PKP1: variants seen among roughly 807,000 people sequenced by gnomAD.
The protein encoded by PKP1 is plakophilin 1.
In PKP1, 27 loss-of-function variants were observed where a neutral mutation model predicts 76.4. The ratio of observed to expected loss-of-function variants is 0.35; its 90% confidence interval spans 0.26 to 0.49. The LOEUF (loss-of-function observed/expected upper bound fraction) is 0.49. Among genes scored for constraint, PKP1 ranks in the 20% least tolerant of loss-of-function variants. PKP1 has a pLI of 0.99. For synonymous variants in PKP1, 404 were observed against 384.2 expected (o/e 1.05, Z -0.60); for missense variants, 964 against 955.2 (o/e 1.01, Z -0.12).
At chr1:201,307,489 G>A (rs1656404950) in intron 2 of PKP1, among the ~76,000 whole-genome samples, 1 of 152,154 alleles carries the variant, frequency 6.6e-6, no homozygotes, top group Non-Finnish European at 1.5e-5. Flanking sequence ...ACCCCTTTGG[G>A]AAGATTCTCG....
Position 201,283,681 on chromosome 1 carries a change from G to T in PKP1, c.-22G>T. ...CTCTGCTCTCCTAGGCCCCGGCCGC[G>T]CGCCACCCGCCTCCCGCCACCATGA... On this transcript the variant is annotated 5_prime_UTR_variant, in exon 1 of 14. Transcript: ENST00000367324. 1.2e-6 allele frequency: 2 copies of T among 1,608,634 alleles called. No individual in the cohort carries two copies. Among genetic ancestry groups the T allele is most frequent in the South Asian group, 2.2e-5 (2 of 90,500 alleles).
At chr1:201,319,107 T>C (rs766245485) in intron 6 of PKP1, among the ~76,000 whole-genome samples, 49 of 91,178 alleles carry the variant, frequency 5.4e-4, no homozygotes, top group Non-Finnish European at 1.0e-3. Context: ...TGAAAAAAAA[T>C]GCATTTCTTG....
At position 201,324,960 on chromosome 1, in the gene PKP1, G is replaced by A; in HGVS notation, c.1854G>A (p.Glu618=). 6.2e-7 allele frequency: 1 copy of A among 1,613,710 alleles called. No individual in the cohort carries two copies. Among genetic ancestry groups the A allele is most frequent in the East Asian group, 2.2e-5 (1 of 44,888 alleles). Reference sequence around the variant, plus strand: ...TCCCAGGGAACCAGGTGTTCCCGGAGGTGACCAGGCTCCTCACCAGCCACA... The same window carrying A: ...TCCCAGGGAACCAGGTGTTCCCGGAAGTGACCAGGCTCCTCACCAGCCACA... ...HRVMGNQVFP[E]VTRLLTSHTG... Residue 618 remains glutamate (E), a synonymous_variant, in exon 11 of 14, where the codon GAG becomes GAA. Coordinates refer to ENST00000367324, the MANE Select transcript of PKP1 (RefSeq NM_001005337.3).
At chr1:201,299,290 C>A (rs1240669488) in intron 2 of PKP1, among the ~76,000 whole-genome samples, 1 of 152,172 alleles carries the variant, frequency 6.6e-6, no homozygotes, top group Non-Finnish European at 1.5e-5. Context: ...TCTAGCTGAA[C>A]CTCAGCTTGC....
At chr1:201,308,135 G>T (rs891778210) in intron 2 of PKP1, among the ~76,000 whole-genome samples, 1 of 152,240 alleles carries the variant, frequency 6.6e-6, no homozygotes, top group African/African-American at 2.4e-5. Flanking sequence ...CAGCTGCTTT[G>T]CTCAGGTCAA....
intron 1 of PKP1, among the ~76,000 whole-genome samples, chr1:201,285,878 G>T (rs1430542084): frequency 6.6e-6 from 1 of 152,206 alleles, no homozygotes; most frequent in African/African-American, 2.4e-5. Flanking sequence ...TTCACTGGGG[G>T]AGGGTTGATG....
At chr1:201,302,216 C>A (rs1368695712) in intron 2 of PKP1, among the ~76,000 whole-genome samples, 1 of 152,194 alleles carries the variant, frequency 6.6e-6, no homozygotes, top group Non-Finnish European at 1.5e-5. Flanking sequence ...GTGGACCAAG[C>A]TTTGTTATTC....
chr1:201,288,967 G>T (rs1046317722), intron 1 of PKP1, among the ~76,000 whole-genome samples: 27 of 152,184 alleles, frequency 1.8e-4, no homozygotes, highest in Admixed American at 1.4e-3. Flanking sequence ...TGTTCAGTAC[G>T]TACACCCAGG....
At chr1:201,283,975 G>C in intron 1 of PKP1, 71 bp downstream of exon 1, 1 of 1,379,074 alleles carries the variant, frequency 7.3e-7, no homozygotes, top group African/African-American at 1.4e-5. Context: ...CGGGGACCAA[G>C]AGACGCACGC....
chr1:201,285,733 T>C (rs1655713825), intron 1 of PKP1, among the ~76,000 whole-genome samples: 1 of 152,238 alleles, frequency 6.6e-6, no homozygotes, highest in Non-Finnish European at 1.5e-5. Flanking sequence ...TTTTTCCTCC[T>C]ACCTATCGGG....
intron 1 of PKP1, among the ~76,000 whole-genome samples, chr1:201,285,010 A>G (rs1655686164): frequency 6.6e-6 from 1 of 152,160 alleles, no homozygotes; most frequent in South Asian, 2.1e-4. Flanking sequence ...GCCTGGTAAG[A>G]ATTACACACA....
At chr1:201,326,752 C>T (rs1657138445) in intron 12 of PKP1, among the ~76,000 whole-genome samples, 1 of 152,190 alleles carries the variant, frequency 6.6e-6, no homozygotes, top group African/African-American at 2.4e-5. Context: ...GAGCTTTGTT[C>T]AGGCAGGCGA....
chr1:201,293,197 T>C (rs1655971852), intron 1 of PKP1, among the ~76,000 whole-genome samples: 1 of 152,198 alleles, frequency 6.6e-6, no homozygotes, highest in Non-Finnish European at 1.5e-5. Context: ...GTGTCCCTGC[T>C]GGCCAGTGAA....
Position 201,324,496 on chromosome 1 carries a change from G to A in PKP1, c.1749G>A (p.Leu583=), listed in dbSNP as rs1162294706. 2 of 1,614,024 alleles carry A rather than the reference G, an allele frequency of 1.2e-6. No individual in the cohort carries two copies. The highest frequency in any genetic ancestry group is 1.6e-4 in the Middle Eastern group (1 of 6,084). ...EKGLPQIARL[L]QSGNSDVVRS... is the part of the protein sequence containing the mutation. Reference sequence around the variant, plus strand: ...GCCTGCCACAAATTGCCCGCCTCCTGCAATCTGGCAACTCTGATGTGGTGC... The same window carrying A: ...GCCTGCCACAAATTGCCCGCCTCCTACAATCTGGCAACTCTGATGTGGTGC... The change falls in exon 10 of 14, where the codon CTG becomes CTA. Residue 583 remains leucine (L), a synonymous_variant. Coordinates refer to ENST00000367324, the MANE Select transcript of PKP1 (RefSeq NM_001005337.3).
At chr1:201,325,665 G>A in intron 11 of PKP1, 89 bp from the exon 12 acceptor site, 1 of 984,344 alleles carries the variant, frequency 1.0e-6, no homozygotes, top group East Asian at 2.4e-5. Flanking sequence ...CTGTGTCCAG[G>A]CCCTGGCAGT....
intron 8 of PKP1, among the ~76,000 whole-genome samples, chr1:201,322,573 C>T (rs555395936): frequency 6.6e-6 from 1 of 152,278 alleles, no homozygotes; most frequent in Admixed American, 6.5e-5. Context: ...GTTGTCAGGT[C>T]TCCTTCACTG....
chr1:201,310,026 C>T (rs1399906674), intron 2 of PKP1, among the ~76,000 whole-genome samples: 3 of 152,316 alleles, frequency 2.0e-5, no homozygotes, highest in African/African-American at 7.2e-5. Flanking sequence ...GAGACTAGCA[C>T]GGGGCTCTGA....
intron 6 of PKP1, chr1:201,319,994 T>C: frequency 8.7e-7 from 1 of 1,153,702 alleles, no homozygotes; most frequent in Non-Finnish European, 1.3e-6. Flanking sequence ...AGACCTCATT[T>C]CAGCCTCAGC....
chr1:201,307,751 C>T lies in PKP1; in HGVS notation c.307-5415C>T, dbSNP rs1258418677. On this transcript the variant is annotated intron_variant, in intron 2 of 13. Transcript: ENST00000367324. ...GGGGAGTGGCAGGTACTAGGCAAGT[C>T]GCAAATGGAACCTGTCTTTGAAAGA... is the stretch of plus-strand genomic sequence containing the variant. 1.2e-4 allele frequency among the ~76,000 whole-genome samples: 18 copies of T among 152,294 alleles called. No individual in the cohort carries two copies. In the Middle Eastern group the frequency reaches 0.014, roughly 115 times the overall value.
Sources: allele counts gnomAD v4.1 joint callset (sites outside exome capture counted in the v4.1 genomes callset), GRCh38; gene constraint gnomAD v4.1.1; transcripts MANE v1.5; gene names NCBI Gene and HGNC (gene_info 2026-07-23, HGNC 2026-07-21).